NEK11: variants seen among roughly 807,000 people sequenced by gnomAD.
NEK11 encodes serine/threonine-protein kinase Nek11.
NEK11 carries 72 observed loss-of-function variants against 80.7 expected under a neutral mutation model. The ratio of observed to expected loss-of-function variants is 0.89; its 90% CI spans 0.74 to 1.08. The LOEUF (loss-of-function observed/expected upper bound fraction) is 1.08. Among genes scored for constraint, NEK11 ranks in the 50% least tolerant of loss-of-function variants. The pLI is 0.00. For synonymous variants in NEK11, 251 were observed against 260.7 expected (o/e 0.96, Z 0.36); for missense variants, 764 against 763.6 (o/e 1.00, Z -0.01).
intron 14 of NEK11, among the ~76,000 whole-genome samples, chr3:131,190,900 A>C (rs1479358528): frequency 2.6e-5 from 4 of 152,184 alleles, no homozygotes; most frequent in Non-Finnish European, 5.9e-5. Context: ...GAGGTATGGA[A>C]AGGTGAGTTG....
chr3:131,274,460 T>C (rs1320795102), intron 17 of NEK11, among the ~76,000 whole-genome samples: 3 of 150,516 alleles, frequency 2.0e-5, no homozygotes, highest in Non-Finnish European at 4.4e-5. Flanking sequence ...TTATAGTCCT[T>C]TGGGTATATA....
intron 10 of NEK11, among the ~76,000 whole-genome samples, chr3:131,159,797 A>G (rs1183004036): frequency 2.0e-5 from 3 of 152,142 alleles, no homozygotes; most frequent in African/African-American, 4.8e-5. Context: ...AAGTATTAGT[A>G]TCAGAATGGA....
At chr3:131,030,758 C>T (rs16835559) in intron 3 of NEK11, among the ~76,000 whole-genome samples, 1 of 152,192 alleles carries the variant, frequency 6.6e-6, no homozygotes, top group Admixed American at 6.5e-5. Context: ...ATCGGACCCT[C>T]TACACTTTCA....
chr3:131,214,729 G>T (rs62280796), intron 14 of NEK11, among the ~76,000 whole-genome samples: 62,567 of 150,666 alleles, frequency 0.42, 15,129 homozygotes, highest in Middle Eastern at 0.69. Context: ...GTGTGTAGCA[G>T]GGAGTGGAGA....
chr3:131,164,869 C>G (rs896010436), intron 11 of NEK11, among the ~76,000 whole-genome samples: 1 of 152,118 alleles, frequency 6.6e-6, no homozygotes, highest in African/African-American at 2.4e-5. Context: ...TGATGAAAAC[C>G]TGAGTATAAA....
chr3:131,245,821 T>TTTGG (rs1239258067), intron 16 of NEK11, among the ~76,000 whole-genome samples: 1 of 152,062 alleles, frequency 6.6e-6, no homozygotes, highest in Non-Finnish European at 1.5e-5. Context: ...TTTTTGTTTT[T>TTTGG]TTGTTTGTTT....
chr3:131,101,277 A>G (rs1421234300), intron 4 of NEK11, among the ~76,000 whole-genome samples: 2 of 151,746 alleles, frequency 1.3e-5, no homozygotes, highest in African/African-American at 4.8e-5. Context: ...TGCTAGCTTT[A>G]GGGTTGGTTT....
Position 131,168,910 on chromosome 3 carries a change from TG to T in NEK11, c.1258del (p.Glu420LysfsTer16), listed in dbSNP as rs1267104604. 1.2e-6 allele frequency: 2 copies of T among 1,613,650 alleles called. No individual in the cohort carries two copies. Among genetic ancestry groups the T allele is most frequent in the Non-Finnish European group, 1.7e-6 (2 of 1,179,902 alleles). Reference sequence around the variant, plus strand: ...TTTCTTGTTCACCCCAGGACGAGGATGAAGAGAGGTGGCAAGGCAGGGAAGA... The same window carrying T: ...TTTCTTGTTCACCCCAGGACGAGGATAAGAGAGGTGGCAAGGCAGGGAAGA... ...RLSCSPQDEDEERWQGREEES... is the reference protein window; with the variant it reads ...RLSCSPQDEDXERWQGREEES... On this transcript the variant is annotated frameshift_variant, in exon 13 of 18. Transcript: ENST00000383366. LOFTEE classifies it high-confidence loss of function.
intron 7 of NEK11, among the ~76,000 whole-genome samples, chr3:131,151,504 A>G (rs933037249): frequency 2.6e-5 from 4 of 152,086 alleles, no homozygotes; most frequent in African/African-American, 4.8e-5. Context: ...TATTAAGGAC[A>G]TTGTTAAAAG....
chr3:131,178,247 A>G (rs546165478), intron 14 of NEK11, among the ~76,000 whole-genome samples: 1 of 152,088 alleles, frequency 6.6e-6, no homozygotes, highest in Non-Finnish European at 1.5e-5. Flanking sequence ...TAGACTTTAT[A>G]TATAAGCACT....
intron 17 of NEK11, among the ~76,000 whole-genome samples, chr3:131,316,206 G>A (rs1029273217): frequency 2.4e-4 from 36 of 152,116 alleles, no homozygotes; most frequent in Non-Finnish European, 2.5e-4. Context: ...TCAAATAAAA[G>A]CATGAATCAA....
intron 14 of NEK11, among the ~76,000 whole-genome samples, chr3:131,195,297 C>A (rs550358519): frequency 3.0e-4 from 45 of 152,200 alleles, no homozygotes; most frequent in African/African-American, 1.1e-3. Flanking sequence ...CCATCTCACT[C>A]CTGTTATGGT....
Position 131,346,197 on chromosome 3 carries a change from T to A in NEK11, c.1719-3360T>A, listed in dbSNP as rs139937729. Among the ~76,000 whole-genome samples, 10 of 152,320 alleles carry A rather than the reference T, an allele frequency of 6.6e-5. No homozygotes were observed. In the East Asian group the frequency reaches 1.9e-3, roughly 29 times the overall value. On this transcript the variant is annotated intron_variant, in intron 17 of 17. Transcript: ENST00000383366. ...AATAAGTAGATTTTAGCTGTTCTTG[T>A]CATAAAAAAGTAACTATGTGAGGTC...
chr3:131,122,767 T>C (rs1291733597), intron 5 of NEK11, among the ~76,000 whole-genome samples: 1 of 152,202 alleles, frequency 6.6e-6, no homozygotes, highest in Non-Finnish European at 1.5e-5. Flanking sequence ...GCCTGAGAAA[T>C]GCCTGCCCTC....
intron 4 of NEK11, among the ~76,000 whole-genome samples, chr3:131,086,777 C>G (rs1422686548): frequency 6.6e-6 from 1 of 152,148 alleles, no homozygotes; most frequent in Non-Finnish European, 1.5e-5. Context: ...TTATCCATCT[C>G]TATTTCTATA....
At chr3:131,343,106 A>G (rs2097310751) in intron 17 of NEK11, among the ~76,000 whole-genome samples, 1 of 152,150 alleles carries the variant, frequency 6.6e-6, no homozygotes, top group African/African-American at 2.4e-5. Flanking sequence ...TTGGGAATAG[A>G]GATCAAAGTG....
chr3:131,338,774 T>C (rs1359485988), intron 17 of NEK11, among the ~76,000 whole-genome samples: 1 of 152,200 alleles, frequency 6.6e-6, no homozygotes, highest in Non-Finnish European at 1.5e-5. Context: ...TCCATTCATA[T>C]GACATTCTGG....
chr3:131,264,632 G>A (rs1315242257), intron 16 of NEK11, among the ~76,000 whole-genome samples: 1 of 152,204 alleles, frequency 6.6e-6, no homozygotes. Flanking sequence ...AGTATAGTTT[G>A]AAGTCAGGTA....
intron 3 of NEK11, among the ~76,000 whole-genome samples, chr3:131,046,682 T>G (rs1313228787): frequency 1.3e-5 from 2 of 152,216 alleles, no homozygotes; most frequent in Non-Finnish European, 2.9e-5. Flanking sequence ...GCTGCACCTA[T>G]CAACTCCTCA....
Sources: allele counts gnomAD v4.1 joint callset (sites outside exome capture counted in the v4.1 genomes callset), GRCh38; gene constraint gnomAD v4.1.1; transcripts MANE v1.5; gene names NCBI Gene and HGNC (gene_info 2026-07-23, HGNC 2026-07-21).